The following RAB19 variants were observed in gnomAD, a reference collection of about 807,000 sequenced individuals.
RAB19 encodes the protein ras-related protein Rab-19.
In RAB19, 21 loss-of-function variants were observed where a neutral mutation model predicts 17.3. The ratio of observed to expected loss-of-function variants is 1.21; its 90% CI spans 0.86 to 1.74. The LOEUF is 1.74. RAB19 is among the 40% of genes most tolerant of loss of function. The probability of loss-of-function intolerance (pLI) is 0.00; values close to 1 mark genes in which losing one functional copy is unlikely to be tolerated. For synonymous variants in RAB19, 126 were observed against 110.4 expected, an observed-to-expected ratio of 1.14 and a Z score of -0.88; for missense variants, 277 against 286.8, an observed-to-expected ratio of 0.97 and a Z score of 0.25.
chr7:140,425,088 C>G (rs191931046), intron 3 of RAB19, among the ~76,000 whole-genome samples: 1 of 152,042 alleles, frequency 6.6e-6, no homozygotes, highest in Non-Finnish European at 1.5e-5. Context: ...GAGTTCAAGA[C>G]CAGCCTGGTC....
intron 3 of RAB19, among the ~76,000 whole-genome samples, chr7:140,425,581 G>A (rs905504148): frequency 1.6e-4 from 24 of 151,512 alleles, no homozygotes; most frequent in African/African-American, 2.2e-4. Context: ...AAAACTAGCC[G>A]GGCGTGGTGG....
At chr7:140,417,267 T>C (rs1050668954) in intron 3 of RAB19, among the ~76,000 whole-genome samples, 2 of 149,846 alleles carry the variant, frequency 1.3e-5, no homozygotes, top group Non-Finnish European at 3.0e-5. Context: ...CTGGACTCAG[T>C]GGTGTACGCC....
chr7:140,423,673 G>A (rs1167947008), intron 3 of RAB19, among the ~76,000 whole-genome samples: 2 of 152,242 alleles, frequency 1.3e-5, no homozygotes, highest in Middle Eastern at 3.4e-3. Context: ...GCGGAGGACC[G>A]GGGGTGGTGA....
chr7:140,406,029 G>A (rs997981029), intron 1 of RAB19, among the ~76,000 whole-genome samples: 1 of 152,004 alleles, frequency 6.6e-6, no homozygotes, highest in East Asian at 1.9e-4. Flanking sequence ...GATCACCTGA[G>A]GTCAAGAGTT....
At position 140,417,655 on chromosome 7, in the gene RAB19, G is replaced by A. The variant is rs60069457; in HGVS notation, c.385+5598G>A. The stretch of plus-strand genomic sequence containing the variant: ...AACCAACTGCCACGAGCTGGGGGCT[G>A]AAAACAACAGATGTGTTCACCCACT... On this transcript the variant is annotated intron_variant, in intron 3 of 3. Coordinates refer to ENST00000537763, the MANE Select transcript of RAB19 (RefSeq NM_001008749.3). 1.8e-4 allele frequency among the ~76,000 whole-genome samples: 27 copies of A among 152,322 alleles called. No homozygotes were observed. The East Asian group carries it at 3.5e-3, about 20-fold the overall frequency.
At chr7:140,416,051 T>A (rs1384894658) in intron 3 of RAB19, among the ~76,000 whole-genome samples, 1 of 151,116 alleles carries the variant, frequency 6.6e-6, no homozygotes, top group African/African-American at 2.4e-5. Context: ...TTTTTATTTT[T>A]AAAACAAACA....
chr7:140,425,366 T>C (rs924618836), intron 3 of RAB19, among the ~76,000 whole-genome samples: 2 of 152,002 alleles, frequency 1.3e-5, no homozygotes, highest in Non-Finnish European at 2.9e-5. Flanking sequence ...TCTACTCAGC[T>C]AAATGAGCTC....
Position 140,424,637 on chromosome 7 carries a change from A to ATGTGTGTG in RAB19, c.386-1244_386-1243insGTGTGTGT, listed in dbSNP as rs1443589641. On this transcript the variant is annotated intron_variant, in intron 3 of 3. Transcript: ENST00000537763. ...TCTCTCTCTATATATATATATATAT[A>ATGTGTGTG]TATGTGTGTGTGTATATATGTGTGT... Among the ~76,000 whole-genome samples the ATGTGTGTG allele has an allele frequency of 4.9e-3, 592 of 120,690 alleles. 4 individuals carry two copies. Among genetic ancestry groups the ATGTGTGTG allele is most frequent in the African/African-American group, 0.02 (570 of 29,186 alleles). The allele number at this position is 120,690 out of a possible 152,430, so 79.2% of individuals were successfully genotyped here. A position where few individuals can be genotyped will look rare whatever the true frequency, so the allele number is the denominator to read the frequency against.
rs202089018 is a variant in RAB19 at position 140,419,377 on chromosome 7, CTATTGTTTTGT to C, written c.386-6504_386-6494del. On this transcript the variant is annotated intron_variant, in intron 3 of 3. Transcript: ENST00000537763. ...AGCCACTGTGCCTCGTCTTGTTTTGCTATTGTTTTGTACGTTATATATAAACAAAATCATAC... is the reference window on the plus strand; with the variant it reads ...AGCCACTGTGCCTCGTCTTGTTTTGCACGTTATATATAAACAAAATCATAC... Among the ~76,000 whole-genome samples the C allele has an allele frequency of 7.7e-3, 1,174 of 152,222 alleles. 50 individuals carry two copies. The highest frequency in any genetic ancestry group is 0.072 in the Admixed American group (1,104 of 15,264).
At position 140,426,051 on chromosome 7, in the gene RAB19, G is replaced by A. The variant is rs1799663092; in HGVS notation, c.555G>A (p.Leu185=). The A allele has an allele frequency of 6.2e-7, 1 of 1,614,054 alleles. No individual in the cohort carries two copies. Among genetic ancestry groups the A allele is most frequent in the African/African-American group, 1.3e-5 (1 of 74,930 alleles). The change falls in exon 4 of 4, where the codon CTG becomes CTA. Residue 185 remains leucine, a synonymous_variant. Transcript: ENST00000537763. ...AGGAGCTGATCGCGCGCAACAGCCT[G>A]CACCTATATGGGGAGAGTGCCCTGA... is the stretch of plus-strand genomic sequence containing the variant. ...MAKELIARNS[L]HLYGESALNG...
At chr7:140,423,481 G>A (rs763683609) in intron 3 of RAB19, among the ~76,000 whole-genome samples, 1 of 151,580 alleles carries the variant, frequency 6.6e-6, no homozygotes, top group African/African-American at 2.4e-5. Context: ...GCATACTATG[G>A]AATACTACTC....
At chr7:140,421,404 A>G (rs1370848085) in intron 3 of RAB19, among the ~76,000 whole-genome samples, 1 of 152,014 alleles carries the variant, frequency 6.6e-6, no homozygotes, top group Non-Finnish European at 1.5e-5. Context: ...TCTGTGACCC[A>G]GGCTGGGGTA....
chr7:140,420,808 C>T (rs1440496171), intron 3 of RAB19, among the ~76,000 whole-genome samples: 1 of 152,198 alleles, frequency 6.6e-6, no homozygotes, highest in Non-Finnish European at 1.5e-5. Flanking sequence ...TTGCAAACAT[C>T]ATCTTCCACC....
Position 140,407,726 on chromosome 7 carries a change from A to G in RAB19, c.80A>G (p.Asn27Ser), listed in dbSNP as rs367821693. The change falls in exon 2 of 4, where the codon AAT becomes AGT. Residue 27 changes from asparagine to serine, a missense_variant. Asn to Ser is a conservative substitution (Grantham distance 46). Transcript: ENST00000537763. ...LFKIILIGDS[N>S]VGKTCVVQHF... ...AAGATTATCCTCATTGGGGATTCCA[A>G]TGTGGGGAAGACGTGTGTGGTGCAG... The G allele has an allele frequency of 7.6e-5, 122 of 1,613,910 alleles. 1 individual carries two copies. Among genetic ancestry groups the G allele is most frequent in the East Asian group, 2.2e-4 (10 of 44,884 alleles).
rs1001860803 is a variant in RAB19 at position 140,426,710 on chromosome 7, A to G, written c.*560A>G. ...AGCGAAGCCTTTTAGCAGAAATACC[A>G]GAAGTACCATCTTGCCAAATGGTCA... On this transcript the variant is annotated 3_prime_UTR_variant, in exon 4 of 4. Transcript: ENST00000537763. 1.3e-5 allele frequency among the ~76,000 whole-genome samples: 2 copies of G among 152,172 alleles called. No homozygotes were observed. Among genetic ancestry groups the G allele is most frequent in the African/African-American group, 4.8e-5 (2 of 41,436 alleles).
rs1225011220 is a variant in RAB19 at position 140,406,067 on chromosome 7, A to G, written c.-23-1557A>G. Among the ~76,000 whole-genome samples the G allele has an allele frequency of 2.6e-5, 4 of 151,962 alleles. No homozygotes were observed. In the East Asian group the frequency reaches 5.8e-4, roughly 22 times the overall value. ...TAACCAGCCTGGCCAACATGGCAAAACCCTGTATCGACTAAAAATACAAAA... is the reference window on the plus strand; with the variant it reads ...TAACCAGCCTGGCCAACATGGCAAAGCCCTGTATCGACTAAAAATACAAAA... On this transcript the variant is annotated intron_variant, in intron 1 of 3. Transcript: ENST00000537763.
chr7:140,427,301 C>T lies in RAB19; in HGVS notation c.*1151C>T, dbSNP rs1799688808. Among the ~76,000 whole-genome samples, 1 of 151,798 alleles carries T rather than the reference C, an allele frequency of 6.6e-6. No individual in the cohort carries two copies. Among genetic ancestry groups the T allele is most frequent in the Non-Finnish European group, 1.5e-5 (1 of 67,968 alleles). On this transcript the variant is annotated 3_prime_UTR_variant, in exon 4 of 4. Transcript: ENST00000537763. ...AAGTAGCTGGGACTACTGGCACTCA[C>T]TACCACGCCCAGCTCATTTTTTTTG...
chr7:140,409,228 G>A (rs1799305204), intron 2 of RAB19, among the ~76,000 whole-genome samples: 1 of 151,796 alleles, frequency 6.6e-6, no homozygotes, highest in Admixed American at 6.6e-5. Flanking sequence ...TCCAGGCATG[G>A]TGGCGCGTGC....
rs1211442459 is a variant in RAB19, at chr7:140,427,759, A to T, written c.*1609A>T. ...GAACCACCGCACCTGGCCTTTTTTTATTATTATTATTGTAGAAATGAAGTC... is the reference window on the plus strand; with the variant it reads ...GAACCACCGCACCTGGCCTTTTTTTTTTATTATTATTGTAGAAATGAAGTC... On this transcript the variant is annotated 3_prime_UTR_variant, in exon 4 of 4. Coordinates refer to ENST00000537763, the MANE Select transcript of RAB19 (RefSeq NM_001008749.3). Among the ~76,000 whole-genome samples, 3 of 146,956 alleles carry T rather than the reference A, an allele frequency of 2.0e-5. No homozygotes were observed. The highest frequency in any genetic ancestry group is 2.0e-4 in the East Asian group (1 of 4,948).
Sources: allele counts gnomAD v4.1 joint callset (sites outside exome capture counted in the v4.1 genomes callset), GRCh38; gene constraint gnomAD v4.1.1; transcripts MANE v1.5; gene names NCBI Gene and HGNC (gene_info 2026-07-23, HGNC 2026-07-21).